The following APLP2 variants were observed in gnomAD, a reference collection of about 807,000 sequenced individuals.
APLP2 encodes the protein amyloid beta precursor like protein 2.
A neutral mutation model predicts 89.9 loss-of-function variants in APLP2; 53 were observed. The ratio of observed to expected loss-of-function variants is 0.59; its 90% confidence interval spans 0.47 to 0.74. APLP2 has a LOEUF of 0.74. Among genes scored for constraint, APLP2 ranks in the 30% least tolerant of loss-of-function variants. The pLI, the probability that APLP2 is intolerant of heterozygous loss-of-function variation, is 0.00. For synonymous variants in APLP2, 372 were observed against 348.6 expected (o/e 1.07, Z -0.75); for missense variants, 973 against 975.9 (o/e 1.00, Z 0.04).
Position 130,069,955 on chromosome 11 carries a change from G to A in APLP2, c.-23G>A. On this transcript the variant is annotated 5_prime_UTR_variant, in exon 1 of 17. Transcript: ENST00000338167. ...CCGAGTGTGTGAGCTTGAGAGCCGC[G>A]CGCTAGAGCGACCCGGCGAGGGATG... is the stretch of plus-strand genomic sequence containing the variant. 6 of 1,491,100 alleles carry A rather than the reference G, an allele frequency of 4.0e-6. No homozygotes were observed. Among genetic ancestry groups the A allele is most frequent in the South Asian group, 3.7e-5 (3 of 81,642 alleles). The allele number at this position is 1,491,100 out of a possible 1,614,324, so 92.4% of individuals were successfully genotyped here.
At chr11:130,122,836 G>C (rs1048130539) in intron 6 of APLP2, among the ~76,000 whole-genome samples, 4 of 152,130 alleles carry the variant, frequency 2.6e-5, no homozygotes, top group Non-Finnish European at 5.9e-5. Flanking sequence ...TCCCCTCTTC[G>C]ATACCACTCA....
chr11:130,079,012 A>G (rs1026074075), intron 1 of APLP2, among the ~76,000 whole-genome samples: 10 of 152,128 alleles, frequency 6.6e-5, no homozygotes, highest in Non-Finnish European at 8.8e-5. Flanking sequence ...TTGGGTCTAT[A>G]GTTTAATTGG....
intron 11 of APLP2, 72 bp downstream of exon 11, chr11:130,130,238 G>T (rs1950794585): frequency 6.3e-7 from 1 of 1,599,540 alleles, no homozygotes; most frequent in Admixed American, 1.7e-5. Flanking sequence ...TTGACTAATG[G>T]TTGACCAGCA....
At chr11:130,097,895 T>C (rs907367247) in intron 1 of APLP2, among the ~76,000 whole-genome samples, 1 of 152,210 alleles carries the variant, frequency 6.6e-6, no homozygotes, top group Admixed American at 6.5e-5. Flanking sequence ...AAGATAATGT[T>C]AGAATTCAGG....
At chr11:130,106,691 T>C (rs773054653) in intron 1 of APLP2, among the ~76,000 whole-genome samples, 5 of 130,774 alleles carry the variant, frequency 3.8e-5, no homozygotes, top group African/African-American at 9.0e-5. Flanking sequence ...TTAGGTCAGA[T>C]TCCTTTTTTT....
Position 130,143,381 on chromosome 11 carries a change from T to A in APLP2, c.2189T>A (p.Leu730Gln). Residue 730 changes from leucine (L) to glutamine (Q), a missense_variant, in exon 17 of 17, where the codon CTG (leucine) becomes CAG (glutamine). Transcript: ENST00000338167. ...DPMLTPEERH[L>Q]NKMQNHGYEN... ...ATGCTCACCCCAGAAGAGCGTCACC[T>A]GAACAAGATGCAGAACCATGGCTAT... 1 of 1,614,138 alleles carries A rather than the reference T, an allele frequency of 6.2e-7. No homozygotes were observed. The highest frequency in any genetic ancestry group is 1.7e-5 in the Admixed American group (1 of 60,016).
intron 2 of APLP2, chr11:130,109,842 TG>T (rs1318593200): frequency 9.0e-5 from 37 of 412,600 alleles, no homozygotes; most frequent in African/African-American, 7.4e-4. Flanking sequence ...GCCTGGCAAG[TG>T]CCATGGGAGT....
chr11:130,141,444 C>T lies in APLP2; in HGVS notation c.1924-54C>T. On this transcript the variant is annotated intron_variant, in intron 14 of 16. Transcript: ENST00000338167. This position sits in a 1 kb window ranked among gnomAD's most constrained non-coding sequence, Gnocchi z 4.2. ...AGCAGAGGAAGGAGGCAGTAAATACCAAACTCCCCGTTCACCCAGTTGCTT... is the reference window on the plus strand; with the variant it reads ...AGCAGAGGAAGGAGGCAGTAAATACTAAACTCCCCGTTCACCCAGTTGCTT... The T allele has an allele frequency of 1.4e-6, 2 of 1,481,424 alleles. No individual in the cohort carries two copies. Among genetic ancestry groups the T allele is most frequent in the South Asian group, 1.1e-5 (1 of 87,888 alleles). The allele number at this position is 1,481,424 out of a possible 1,614,324, so 91.8% of individuals were successfully genotyped here.
rs758566334 is a variant in APLP2, at chr11:130,133,714, T to C, written c.1670T>C (p.Ile557Thr). ...AAAGTACCTTATGTAGCCCAAGAAA[T>C]TCAAGAGGAAATTGGTGGGTACCAG... is the stretch of plus-strand genomic sequence containing the variant. Reference protein sequence around the residue: ...LYKVPYVAQEIQEEIDELLQE... With the variant: ...LYKVPYVAQETQEEIDELLQE... Residue 557 changes from isoleucine to threonine, a missense_variant, in exon 12 of 17, where the codon ATT becomes ACT. By Grantham distance (89) the Ile-to-Thr change is moderately conservative. Transcript: ENST00000338167. The C allele has an allele frequency of 2.5e-6, 4 of 1,613,848 alleles. No homozygotes were observed. The highest frequency in any genetic ancestry group is 3.4e-6 in the Non-Finnish European group (4 of 1,179,726).
Position 130,141,128 on chromosome 11 carries a change from G to T in APLP2, c.1924-370G>T, listed in dbSNP as rs539817453. 2.8e-5 allele frequency: 5 copies of T among 176,124 alleles called. No homozygotes were observed. The South Asian group carries it at 4.0e-4, about 14-fold the overall frequency. 10.9% of individuals were successfully genotyped at this position (176,124 alleles called of 1,614,324 possible). Reference sequence around the variant, plus strand: ...TCACTGTGTTAGCCAGGATGGTCTCGATCTCCTGACCTTGTGATCCACCTG... The same window carrying T: ...TCACTGTGTTAGCCAGGATGGTCTCTATCTCCTGACCTTGTGATCCACCTG... On this transcript the variant is annotated intron_variant, in intron 14 of 16. Coordinates refer to ENST00000338167, the MANE Select transcript of APLP2 (RefSeq NM_001142276.2). The surrounding 1 kb of genome is among the most constrained non-coding windows in gnomAD (Gnocchi z 4.2).
At chr11:130,097,788 G>T (rs1171412104) in intron 1 of APLP2, among the ~76,000 whole-genome samples, 1 of 152,200 alleles carries the variant, frequency 6.6e-6, no homozygotes, top group African/African-American at 2.4e-5. Flanking sequence ...AGATAAGGTT[G>T]TTCTTGGTTA....
At chr11:130,127,689 G>T in intron 8 of APLP2, 77 bp from the exon 9 acceptor site, 1 of 1,182,720 alleles carries the variant, frequency 8.5e-7, no homozygotes. Context: ...TTTAGCATCT[G>T]ACAGTGTTTT....
chr11:130,090,157 C>T (rs972579482), intron 1 of APLP2, among the ~76,000 whole-genome samples: 4 of 151,726 alleles, frequency 2.6e-5, no homozygotes, highest in African/African-American at 9.7e-5. Context: ...GGAATACTTT[C>T]CCATCTCTAG....
chr11:130,129,054 C>G lies in APLP2; in HGVS notation c.1303C>G (p.Gln435Glu), dbSNP rs575783588. 1 of 1,613,192 alleles carries G rather than the reference C, an allele frequency of 6.2e-7. No homozygotes were observed. Among genetic ancestry groups the G allele is most frequent in the Non-Finnish European group, 8.5e-7 (1 of 1,179,466 alleles). Residue 435 changes from glutamine to glutamate, a missense_variant, in exon 10 of 17, where the codon CAA becomes GAA. Gln to Glu is a conservative substitution (Grantham distance 29). Transcript: ENST00000338167. ...AERQTLIQHF[Q>E]AMVKALEKEA... ...TCCTGCTTTCTTGGTTTAGCACTTC[C>G]AAGCCATGGTTAAAGCTTTAGAGAA...
At chr11:130,119,257 C>T (rs1438657818) in intron 3 of APLP2, among the ~76,000 whole-genome samples, 4 of 152,234 alleles carry the variant, frequency 2.6e-5, no homozygotes, top group African/African-American at 9.6e-5. Flanking sequence ...TCTTCCTGGG[C>T]TAAGCACCCT....
Position 130,069,931 on chromosome 11 carries a change from C to G in APLP2, c.-47C>G, listed in dbSNP as rs80070284. 2.2e-6 allele frequency: 3 copies of G among 1,387,222 alleles called. No individual in the cohort carries two copies. Among genetic ancestry groups the G allele is most frequent in the African/African-American group, 3.0e-5 (2 of 66,856 alleles). 85.9% of individuals were successfully genotyped at this position (1,387,222 alleles called of 1,614,324 possible). On this transcript the variant is annotated 5_prime_UTR_variant, in exon 1 of 17. Transcript: ENST00000338167. Reference sequence around the variant, plus strand: ...GTCGCGGTGTGCTAAGCGAGGAGTCCGAGTGTGTGAGCTTGAGAGCCGCGC... The same window carrying G: ...GTCGCGGTGTGCTAAGCGAGGAGTCGGAGTGTGTGAGCTTGAGAGCCGCGC...
chr11:130,090,331 T>C (rs1281120094), intron 1 of APLP2, among the ~76,000 whole-genome samples: 1 of 144,372 alleles, frequency 6.9e-6, no homozygotes, highest in Non-Finnish European at 1.5e-5. Flanking sequence ...GGCAGGGTCA[T>C]GGGACAATAG....
rs553962550 is a variant in APLP2, at chr11:130,083,026, C to CTTTTTT, written c.105+12966_105+12971dup. 8.0e-3 allele frequency among the ~76,000 whole-genome samples: 578 copies of CTTTTTT among 72,540 alleles called. 22 individuals carry two copies. Among genetic ancestry groups the CTTTTTT allele is most frequent in the East Asian group, 0.033 (69 of 2,118 alleles). The allele number at this position is 72,540 out of a possible 152,430, so 47.6% of individuals were successfully genotyped here. On this transcript the variant is annotated intron_variant, in intron 1 of 16. Transcript: ENST00000338167. ...TATTAACCACTGAAACTTTTCTTTT[C>CTTTTTT]TTTTTTTTTTTTTTTTTTTTTTTTT...
Position 130,141,883 on chromosome 11 carries a change from A to G in APLP2, c.1999-36A>G. On this transcript the variant is annotated intron_variant, in intron 15 of 16. Transcript: ENST00000338167. This position sits in a 1 kb window ranked among gnomAD's most constrained non-coding sequence, Gnocchi z 4.2. ...CTTGCCTCACGGCTGCCAGATGGTC[A>G]CTGGGACTTTTTTCCACGTCTGCTT... The G allele has an allele frequency of 6.3e-7, 1 of 1,576,686 alleles. No homozygotes were observed. Among genetic ancestry groups the G allele is most frequent in the Non-Finnish European group, 8.7e-7 (1 of 1,154,106 alleles).
Sources: gnomAD v4.1 joint callset for allele counts (sites outside exome capture counted in the v4.1 genomes callset) on GRCh38, gnomAD v4.1.1 for gene constraint, Gnocchi (gnomAD v3.1) non-coding constraint, MANE v1.5 for transcripts, NCBI Gene and HGNC (gene_info 2026-07-23, HGNC 2026-07-21) for gene names.